Variants in DIP2A observed in about 807,000 individuals in gnomAD.
DIP2A encodes DIP2 acetate--CoA ligase A, also known as disco-interacting protein 2 homolog A.
In DIP2A, 85 loss-of-function variants were observed where a neutral mutation model predicts 177.4. That is an observed-to-expected ratio of 0.48 (90% confidence interval 0.40 to 0.57). The LOEUF is 0.57. Ranked by LOEUF, DIP2A falls within the 20% of genes least tolerant of loss-of-function variation. DIP2A has a pLI of 0.00. For missense variants in DIP2A, 1,791 were observed against 2,100.2 expected, an observed-to-expected ratio of 0.85 and a Z score of 2.88; for synonymous variants, 886 against 881.8, an observed-to-expected ratio of 1.00 and a Z score of -0.08.
rs773552997 is a variant in DIP2A, at chr21:46,498,630, G to A, written c.452G>A (p.Arg151Gln). 26 of 1,612,948 alleles carry A rather than the reference G, an allele frequency of 1.6e-5. No individual in the cohort carries two copies. The highest frequency in any genetic ancestry group is 6.7e-5 in the Admixed American group (4 of 59,988). Residue 151 changes from arginine (R) to glutamine (Q), a missense_variant, in exon 5 of 38, where the codon CGA becomes CAA. By Grantham distance (43) the Arg-to-Gln change is conservative (BLOSUM62 1). Coordinates refer to ENST00000417564, the MANE Select transcript of DIP2A (RefSeq NM_015151.4). The surrounding 1 kb of genome is among the most constrained non-coding windows in gnomAD (Gnocchi z 4.3). Reference sequence around the variant, plus strand: ...GAGGGCTCTTTACGGCGACCCGGGCGACTCACCTCCACTCCGCTCCAGAGC... The same window carrying A: ...GAGGGCTCTTTACGGCGACCCGGGCAACTCACCTCCACTCCGCTCCAGAGC... ...EDEGSLRRPGRLTSTPLQSHS... is the reference protein window; with the variant it reads ...EDEGSLRRPGQLTSTPLQSHS...
At chr21:46,472,746 C>A (rs2055500334) in intron 1 of DIP2A, among the ~76,000 whole-genome samples, 1 of 152,162 alleles carries the variant, frequency 6.6e-6, no homozygotes, top group Non-Finnish European at 1.5e-5. Flanking sequence ...GGACTTGATT[C>A]TCTGGAGTCT....
At chr21:46,502,110 G>A (rs1305101600) in intron 5 of DIP2A, among the ~76,000 whole-genome samples, 1 of 152,050 alleles carries the variant, frequency 6.6e-6, no homozygotes, top group African/African-American at 2.4e-5. Context: ...ATTACCAGTT[G>A]TCTCTACCTA....
intron 1 of DIP2A, among the ~76,000 whole-genome samples, chr21:46,460,690 A>T (rs1472890417): frequency 6.6e-6 from 1 of 151,968 alleles, no homozygotes; most frequent in African/African-American, 2.4e-5. Flanking sequence ...ATGTTGTGAC[A>T]TGTGGCACAT....
rs58557411 is a variant in DIP2A, at chr21:46,470,797, T to TCA, written c.91+11575_91+11576insCA. Among the ~76,000 whole-genome samples, 483 of 146,704 alleles carry TCA rather than the reference T, an allele frequency of 3.3e-3. 12 individuals are homozygous for TCA. The East Asian group carries it at 0.075, about 23-fold the overall frequency. On this transcript the variant is annotated intron_variant, in intron 1 of 37. Transcript: ENST00000417564. ...AAAAAAAATTAGCCAGGCATGGTGG[T>TCA]GGGCACCTGTATTCCCAGCTACTCA...
intron 7 of DIP2A, among the ~76,000 whole-genome samples, chr21:46,509,966 A>G (rs2148619153): frequency 6.6e-6 from 1 of 152,334 alleles, no homozygotes; most frequent in East Asian, 1.9e-4. Context: ...AGGATTAGAC[A>G]TAGCTTTCAG....
rs888439189 is a variant in DIP2A, at chr21:46,464,994, GT to G, written c.91+5775del. On this transcript the variant is annotated intron_variant, in intron 1 of 37. Transcript: ENST00000417564. ...TTCAGAATTTGAACCAATATTTGTT[GT>G]TTCAGGAAAGCAGAATTTCCTTTGA... Among the ~76,000 whole-genome samples, 10 of 152,038 alleles carry G rather than the reference GT, an allele frequency of 6.6e-5. No homozygotes were observed. In the Middle Eastern group the frequency reaches 0.014, roughly 207 times the overall value.
At chr21:46,467,067 C>G (rs539165875) in intron 1 of DIP2A, among the ~76,000 whole-genome samples, 1 of 151,792 alleles carries the variant, frequency 6.6e-6, no homozygotes, top group Non-Finnish European at 1.5e-5. Context: ...GAAGTCGAGG[C>G]GGGCGGATCA....
the DIP2A span, among the ~76,000 whole-genome samples, chr21:46,577,148 A>G: frequency 1.3e-5 from 2 of 151,812 alleles, no homozygotes; most frequent in East Asian, 3.9e-4. Context: ...CTATTTGTCA[A>G]TTTCCTTTTG....
intron 1 of DIP2A, 148 bp downstream of exon 1, chr21:46,459,370 C>T (rs1437367304): frequency 4.7e-5 from 28 of 590,822 alleles, no homozygotes; most frequent in Non-Finnish European, 7.4e-5. Context: ...GCCCCTGGGA[C>T]CTCTGCCCCT....
At chr21:46,504,288 G>T in intron 5 of DIP2A, 73 bp from the exon 6 acceptor site, 1 of 1,576,994 alleles carries the variant, frequency 6.3e-7, no homozygotes, top group Non-Finnish European at 8.6e-7. Context: ...TAGACTAACG[G>T]GGTTTCAAGA....
At position 46,506,723 on chromosome 21, in the gene DIP2A, TTTTTCTTTCTTTCTTTC is replaced by T. The variant is rs1383544319; in HGVS notation, c.784+2238_784+2254del. Among the ~76,000 whole-genome samples the T allele has an allele frequency of 8.3e-3, 497 of 59,852 alleles. 17 individuals are homozygous for T. The highest frequency in any genetic ancestry group is 0.056 in the South Asian group (113 of 2,004). The allele number at this position is 59,852 out of a possible 152,430, so 39.3% of individuals were successfully genotyped here. ...CTATTTTTTTTTTTAATTGTGCTTG[TTTTTCTTTCTTTCTTTC>T]TTTCTTTCTTTCTTTCTTTCTTTCT... On this transcript the variant is annotated intron_variant, in intron 6 of 37. Transcript: ENST00000417564.
chr21:46,469,536 C>T (rs2055167070), intron 1 of DIP2A, among the ~76,000 whole-genome samples: 1 of 151,256 alleles, frequency 6.6e-6, no homozygotes, highest in Non-Finnish European at 1.5e-5. Flanking sequence ...TACATCTAAT[C>T]TAATAGTTTG....
chr21:46,567,394 G>T lies in DIP2A; in HGVS notation c.4488G>T (p.Leu1496=). ...AECAVFTWTN[L]LVVVVELDGL... is the part of the protein sequence containing the mutation. ...GTGCCGTATTCACCTGGACCAACCT[G>T]CTGGTGGTGGTGGTGGAGCTGGATG... The change falls in exon 38 of 38, where the codon CTG becomes CTT. Residue 1496 remains leucine, a synonymous_variant. Coordinates refer to ENST00000417564, the MANE Select transcript of DIP2A (RefSeq NM_015151.4). 1 of 1,613,754 alleles carries T rather than the reference G, an allele frequency of 6.2e-7. No individual in the cohort carries two copies. Among genetic ancestry groups the T allele is most frequent in the Non-Finnish European group, 8.5e-7 (1 of 1,179,772 alleles).
chr21:46,509,215 A>G lies in DIP2A; in HGVS notation c.785-42A>G, dbSNP rs372642285. 2.5e-6 allele frequency: 4 copies of G among 1,570,178 alleles called. No individual in the cohort carries two copies. The East Asian group carries it at 6.8e-5, about 27-fold the overall frequency. Reference sequence around the variant, plus strand: ...CTTACACCTGTGTCCACTTCTTCAGATGTGTCCTGGCCTCAGTGCTCCTCT... The same window carrying G: ...CTTACACCTGTGTCCACTTCTTCAGGTGTGTCCTGGCCTCAGTGCTCCTCT... On this transcript the variant is annotated intron_variant, in intron 6 of 37. Transcript: ENST00000417564.
chr21:46,465,874 G>T (rs986889044), intron 1 of DIP2A, among the ~76,000 whole-genome samples: 2 of 152,170 alleles, frequency 1.3e-5, no homozygotes, highest in Admixed American at 6.5e-5. Flanking sequence ...GTTGCAAAGC[G>T]AACTAGCTGC....
intron 1 of DIP2A, among the ~76,000 whole-genome samples, chr21:46,477,543 T>TTTTTTGTGTGTG (rs374607636): frequency 1.0e-4 from 9 of 87,132 alleles, no homozygotes; most frequent in South Asian, 8.7e-4. Context: ...AAAAAAAGAT[T>TTTTTTGTGTGTG]TGTGTGTGTG....
chr21:46,504,435 T>C lies in DIP2A; in HGVS notation c.730T>C (p.Ser244Pro). The C allele has an allele frequency of 6.2e-7, 1 of 1,613,856 alleles. No homozygotes were observed. Among genetic ancestry groups the C allele is most frequent in the Non-Finnish European group, 8.5e-7 (1 of 1,179,826 alleles). The stretch of plus-strand genomic sequence containing the variant: ...GTACTTTGAGCGTCCACAGGTGGCT[T>C]CTGTGAGAAGTGTTCCTCGGGGGTG... Reference protein sequence around the residue: ...HSYFERPQVASVRSVPRGCSG... With the variant: ...HSYFERPQVAPVRSVPRGCSG... Residue 244 changes from serine (S) to proline (P), a missense_variant, in exon 6 of 38, where the codon TCT (serine) becomes CCT (proline). Ser to Pro is a moderately conservative substitution (Grantham distance 74). Coordinates refer to ENST00000417564, the MANE Select transcript of DIP2A (RefSeq NM_015151.4).
chr21:46,567,331 G>T lies in DIP2A; in HGVS notation c.4464-39G>T, dbSNP rs908126662. Reference sequence around the variant, plus strand: ...GCATTCATTGGCCCCTGTGACCTGTGCCTGTATCCATGTGACCCAGTCTGT... The same window carrying T: ...GCATTCATTGGCCCCTGTGACCTGTTCCTGTATCCATGTGACCCAGTCTGT... On this transcript the variant is annotated intron_variant, in intron 37 of 37. Coordinates refer to ENST00000417564, the MANE Select transcript of DIP2A (RefSeq NM_015151.4). 3.1e-6 allele frequency: 5 copies of T among 1,589,482 alleles called. No individual in the cohort carries two copies. In the South Asian group the frequency reaches 3.5e-5, roughly 11 times the overall value.
At chr21:46,474,190 T>G (rs958800041) in intron 1 of DIP2A, among the ~76,000 whole-genome samples, 3 of 152,196 alleles carry the variant, frequency 2.0e-5, no homozygotes, top group African/African-American at 7.2e-5. Flanking sequence ...CTGAAACACC[T>G]GTCTGGGAGA....
Sources: gnomAD v4.1 joint callset for allele counts (sites outside exome capture counted in the v4.1 genomes callset) on GRCh38, gnomAD v4.1.1 for gene constraint, Gnocchi (gnomAD v3.1) non-coding constraint, MANE v1.5 for transcripts, NCBI Gene and HGNC (gene_info 2026-07-23, HGNC 2026-07-21) for gene names.